Variants in CADPS2 observed in about 807,000 individuals in gnomAD.
CADPS2 encodes the protein calcium-dependent secretion activator 2.
CADPS2 carries 93 observed loss-of-function variants against 172.5 expected under a neutral mutation model. The observed-to-expected ratio is 0.54, with a 90% CI of 0.46 to 0.64. The LOEUF is 0.64. Ranked by LOEUF, CADPS2 falls within the 30% of genes least tolerant of loss-of-function variation. The pLI is 0.00. For synonymous variants in CADPS2, 546 were observed against 555.2 expected, an observed-to-expected ratio of 0.98 and a Z score of 0.23; for missense variants, 1,420 against 1,565.9, an observed-to-expected ratio of 0.91 and a Z score of 1.57.
chr7:122,425,342 C>T (rs553610167), intron 17 of CADPS2, among the ~76,000 whole-genome samples: 1 of 145,312 alleles, frequency 6.9e-6, no homozygotes, highest in African/African-American at 2.6e-5. Flanking sequence ...AATCCCTGCA[C>T]ATTGGGAGGC....
At chr7:122,799,603 C>CAA (rs58187843) in intron 1 of CADPS2, among the ~76,000 whole-genome samples, 8 of 48,252 alleles carry the variant, frequency 1.7e-4, no homozygotes, top group East Asian at 1.3e-3. Context: ...GATTCCATCT[C>CAA]AAAAAAAAAA....
intron 8 of CADPS2, among the ~76,000 whole-genome samples, chr7:122,517,974 T>C (rs1398605879): frequency 6.6e-6 from 1 of 152,038 alleles, no homozygotes; most frequent in Non-Finnish European, 1.5e-5. Flanking sequence ...TTGTTGTTGT[T>C]GTTTCTTAAT....
At chr7:122,851,482 T>C (rs867743044) in intron 1 of CADPS2, among the ~76,000 whole-genome samples, 1 of 152,320 alleles carries the variant, frequency 6.6e-6, no homozygotes. Flanking sequence ...TTCTTCCTTG[T>C]TGCAGCATGT....
chr7:122,822,993 G>GC (rs1232984246), intron 1 of CADPS2, among the ~76,000 whole-genome samples: 7 of 151,680 alleles, frequency 4.6e-5, no homozygotes, highest in South Asian at 2.1e-4. Context: ...ACATGGACAC[G>GC]CATGAAAATT....
intron 13 of CADPS2, among the ~76,000 whole-genome samples, chr7:122,472,198 G>A (rs1192662764): frequency 6.6e-6 from 1 of 152,148 alleles, no homozygotes; most frequent in Non-Finnish European, 1.5e-5. Flanking sequence ...GACAGGTTAG[G>A]TGGAGCTGGC....
At chr7:122,651,094 A>G (rs2079104811) in intron 3 of CADPS2, among the ~76,000 whole-genome samples, 1 of 151,924 alleles carries the variant, frequency 6.6e-6, no homozygotes, top group Admixed American at 6.6e-5. Context: ...CTCCTCCCTA[A>G]TTTTCATTAC....
chr7:122,879,410 C>T (rs563728799), intron 1 of CADPS2, among the ~76,000 whole-genome samples: 26 of 151,566 alleles, frequency 1.7e-4, no homozygotes, highest in Admixed American at 1.4e-3. Flanking sequence ...GTGGCACGTG[C>T]CTGTAGTCCC....
intron 9 of CADPS2, among the ~76,000 whole-genome samples, chr7:122,498,428 T>G (rs2058931914): frequency 6.6e-6 from 1 of 152,180 alleles, no homozygotes; most frequent in African/African-American, 2.4e-5. Context: ...AAATGTTGCC[T>G]CTGTCACATT....
intron 25 of CADPS2, among the ~76,000 whole-genome samples, chr7:122,361,464 C>A (rs1424058268): frequency 2.0e-5 from 3 of 151,938 alleles, no homozygotes; most frequent in Admixed American, 6.6e-5. Flanking sequence ...AAACTCCTGA[C>A]CTTGTGATCC....
chr7:122,537,972 T>C (rs2062482778), intron 8 of CADPS2, among the ~76,000 whole-genome samples: 13 of 151,766 alleles, frequency 8.6e-5, no homozygotes, highest in Admixed American at 8.5e-4. Flanking sequence ...AAAACTAACA[T>C]AAAATGCAAA....
chr7:122,378,480 T>C (rs2042609989), intron 25 of CADPS2, among the ~76,000 whole-genome samples: 1 of 152,162 alleles, frequency 6.6e-6, no homozygotes, highest in South Asian at 2.1e-4. Context: ...CTTAAATTAT[T>C]AATGAGGATT....
At chr7:122,715,867 T>G (rs2089522892) in intron 2 of CADPS2, among the ~76,000 whole-genome samples, 1 of 152,106 alleles carries the variant, frequency 6.6e-6, no homozygotes, top group Non-Finnish European at 1.5e-5. Flanking sequence ...ATTTTGCTCC[T>G]CTAGATTTTA....
intron 25 of CADPS2, among the ~76,000 whole-genome samples, chr7:122,378,030 A>G (rs1232771786): frequency 1.3e-5 from 2 of 152,182 alleles, no homozygotes; most frequent in Non-Finnish European, 1.5e-5. Flanking sequence ...TCTTTTTCCT[A>G]TAAGATGCAA....
chr7:122,523,937 G>T (rs2061009643), intron 8 of CADPS2, among the ~76,000 whole-genome samples: 1 of 152,096 alleles, frequency 6.6e-6, no homozygotes, highest in South Asian at 2.1e-4. Context: ...CTAGGAAGAG[G>T]ACTGGGACTG....
chr7:122,387,217 C>T (rs887158061), intron 23 of CADPS2, 44 bp from the exon 24 acceptor site: 1 of 1,537,676 alleles, frequency 6.5e-7, no homozygotes, highest in African/African-American at 1.4e-5. Flanking sequence ...TTCTGCTATA[C>T]AGCTCACCTG....
chr7:122,885,326 A>T (rs1824044519), intron 1 of CADPS2, among the ~76,000 whole-genome samples: 1 of 151,920 alleles, frequency 6.6e-6, no homozygotes, highest in Admixed American at 6.6e-5. Flanking sequence ...TCATGCACCA[A>T]TCCTTTATCT....
intron 9 of CADPS2, among the ~76,000 whole-genome samples, chr7:122,513,018 C>T (rs113738249): frequency 3.3e-5 from 5 of 152,164 alleles, no homozygotes; most frequent in African/African-American, 1.2e-4. Flanking sequence ...GGTAAAGAGT[C>T]CAAAAGCATA....
At chr7:122,489,130 C>T (rs950498180) in intron 11 of CADPS2, among the ~76,000 whole-genome samples, 7 of 151,982 alleles carry the variant, frequency 4.6e-5, no homozygotes, top group Middle Eastern at 3.2e-3. Flanking sequence ...AAAATAATTA[C>T]GATAATCTAT....
At chr7:122,496,020 A>T (rs147325194) in intron 9 of CADPS2, among the ~76,000 whole-genome samples, 1 of 152,166 alleles carries the variant, frequency 6.6e-6, no homozygotes, top group African/African-American at 2.4e-5. Context: ...CATTTTCCAC[A>T]ATCAATTTTG....
Sources: allele counts gnomAD v4.1 joint callset (sites outside exome capture counted in the v4.1 genomes callset), GRCh38; gene constraint gnomAD v4.1.1; transcripts MANE v1.5; gene names NCBI Gene and HGNC (gene_info 2026-07-23, HGNC 2026-07-21).